Variants in CPXM2 observed in about 807,000 individuals in gnomAD.
CPXM2 encodes carboxypeptidase X, M14 family member 2, also known as inactive carboxypeptidase-like protein X2.
A neutral mutation model predicts 86.1 loss-of-function variants in CPXM2; 66 were observed. That is an observed-to-expected ratio of 0.77 (90% confidence interval 0.63 to 0.94). CPXM2 has a LOEUF of 0.94. Among genes scored for constraint, CPXM2 ranks in the 40% least tolerant of loss-of-function variants. The probability of loss-of-function intolerance (pLI) is 0.00; values close to 1 mark genes in which losing one functional copy is unlikely to be tolerated. For missense variants in CPXM2, 948 were observed against 1,026.3 expected (o/e 0.92, Z 1.04); for synonymous variants, 388 against 400.2 (o/e 0.97, Z 0.36).
chr10:123,849,181 GTTTTGTGTT>G (rs1210367019), intron 3 of CPXM2, among the ~76,000 whole-genome samples: 1 of 152,018 alleles, frequency 6.6e-6, no homozygotes, highest in Admixed American at 6.6e-5. Flanking sequence ...CTATTGATCG[GTTTTGTGTT>G]TTTTGTGTTT....
chr10:123,865,994 C>T lies in CPXM2; in HGVS notation c.404-3271G>A, dbSNP rs1163562684. On this transcript the variant is annotated intron_variant, in intron 2 of 13. Coordinates refer to ENST00000241305, the MANE Select transcript of CPXM2 (RefSeq NM_198148.3). This position sits in a 1 kb window ranked among gnomAD's most constrained non-coding sequence, Gnocchi z 4.7. ...AATTTCTCCCTCTCAGCCACTCCTC[C>T]ACCCCCACACCACACACAGCCCTGG... Among the ~76,000 whole-genome samples the T allele has an allele frequency of 3.9e-5, 6 of 152,116 alleles. No individual in the cohort carries two copies. Among genetic ancestry groups the T allele is most frequent in the Admixed American group, 3.9e-4 (6 of 15,270 alleles).
At chr10:123,791,021 A>G (rs1348530543) in intron 6 of CPXM2, among the ~76,000 whole-genome samples, 4 of 152,152 alleles carry the variant, frequency 2.6e-5, no homozygotes, top group Non-Finnish European at 5.9e-5. Context: ...TTAAAGCCAC[A>G]TCATCAGGGG....
At chr10:123,882,107 A>G (rs1450127765) in intron 1 of CPXM2, among the ~76,000 whole-genome samples, 1 of 152,264 alleles carries the variant, frequency 6.6e-6, no homozygotes, top group Non-Finnish European at 1.5e-5. Context: ...GACACTTATT[A>G]AGAAAACCTT....
Position 123,862,685 on chromosome 10 carries a change from CT to C in CPXM2, c.441del (p.Asp148ThrfsTer9), listed in dbSNP as rs756841437. The stretch of plus-strand genomic sequence containing the variant: ...ACCGTGGAGGCATGGAGCTGGAAGT[CT>C]GTGATTTTTAAGGTTTCCAGACCAA... ...PPLGLETLKI[T>X]DFQLHASTVK... is the part of the protein sequence containing the mutation. On this transcript the variant is annotated frameshift_variant, in exon 3 of 14. Transcript: ENST00000241305. LOFTEE classifies it high-confidence loss of function. 7 of 1,613,676 alleles carry C rather than the reference CT, an allele frequency of 4.3e-6. No individual in the cohort carries two copies. The South Asian group carries it at 6.6e-5, about 15-fold the overall frequency.
chr10:123,901,171 A>G (rs1173492800), intron 2 of CPXM2, among the ~76,000 whole-genome samples: 1 of 152,226 alleles, frequency 6.6e-6, no homozygotes, highest in African/African-American at 2.4e-5. Flanking sequence ...ACCTGAGATC[A>G]TAATACTGAA....
rs776975412 is a variant in CPXM2 at position 123,842,484 on chromosome 10, C to G, written c.518G>C (p.Gly173Ala). The change falls in exon 4 of 14, where the codon GGC becomes GCC. Residue 173 changes from glycine (G) to alanine (A), a missense_variant. Transcript: ENST00000241305. ...AHRGRLNIQA[G>A]INENDFYDGA... is the part of the protein sequence containing the mutation. ...GTCATAAAAATCATTTTCATTAATG[C>G]CCGCCTAGAAAGAAAGAAAGCGGTG... is the stretch of plus-strand genomic sequence containing the variant. 45 of 1,613,880 alleles carry G rather than the reference C, an allele frequency of 2.8e-5. No homozygotes were observed. Among genetic ancestry groups the G allele is most frequent in the Non-Finnish European group, 3.5e-5 (41 of 1,179,918 alleles).
chr10:123,934,672 G>A (rs1004596568), intron 2 of CPXM2, among the ~76,000 whole-genome samples: 3 of 152,062 alleles, frequency 2.0e-5, no homozygotes, highest in Non-Finnish European at 2.9e-5. Context: ...TGCGAACCAC[G>A]CACCAGGAAC....
chr10:123,746,898 T>C lies in CPXM2; in HGVS notation c.2137A>G (p.Arg713Gly), dbSNP rs768326532. The C allele has an allele frequency of 6.2e-7, 1 of 1,614,036 alleles. No homozygotes were observed. Among genetic ancestry groups the C allele is most frequent in the Admixed American group, 1.7e-5 (1 of 60,002 alleles). The stretch of plus-strand genomic sequence containing the variant: ...GTTTTGCTAAGTGTGAAGTCACACC[T>C]TGTGGCCCCCATGTCATAGCCAACC... ...CMVGYDMGAT[R>G]CDFTLSKTNM... The change falls in exon 14 of 14, where the codon AGG becomes GGG. Residue 713 changes from arginine to glycine, a missense_variant. Physicochemically the swap from Arg to Gly is moderately radical, Grantham distance 125. Coordinates refer to ENST00000241305, the MANE Select transcript of CPXM2 (RefSeq NM_198148.3).
At chr10:123,810,581 T>C (rs992389530) in intron 4 of CPXM2, among the ~76,000 whole-genome samples, 2 of 152,190 alleles carry the variant, frequency 1.3e-5, no homozygotes, top group East Asian at 1.9e-4. Flanking sequence ...TAATTACATT[T>C]CTATACACCA....
chr10:123,816,363 C>A (rs372211604), intron 4 of CPXM2, among the ~76,000 whole-genome samples: 30 of 152,186 alleles, frequency 2.0e-4, no homozygotes, highest in African/African-American at 5.3e-4. Context: ...GTGAGAAAGG[C>A]CAAATGGAAG....
intron 3 of CPXM2, among the ~76,000 whole-genome samples, chr10:123,847,382 C>T (rs568978904): frequency 3.9e-5 from 6 of 152,002 alleles, no homozygotes; most frequent in Admixed American, 6.6e-5. Flanking sequence ...GAACATTTGC[C>T]GAGTGTGGTG....
intron 3 of CPXM2, 43 bp from the exon 4 acceptor site, chr10:123,842,531 T>C: frequency 6.3e-7 from 1 of 1,597,050 alleles, no homozygotes; most frequent in Non-Finnish European, 8.6e-7. Context: ...GACTCTTAAT[T>C]GAAGAAAATT....
chr10:123,887,511 C>T (rs1335023273), intron 1 of CPXM2, among the ~76,000 whole-genome samples: 1 of 152,142 alleles, frequency 6.6e-6, no homozygotes, highest in African/African-American at 2.4e-5. Context: ...CTGTCAACCT[C>T]CTCATTTTGA....
intron 10 of CPXM2, among the ~76,000 whole-genome samples, chr10:123,765,105 C>G (rs1479168933): frequency 6.6e-6 from 1 of 152,064 alleles, no homozygotes; most frequent in Non-Finnish European, 1.5e-5. Flanking sequence ...CTGTCTGACA[C>G]CTATTCTCTG....
At chr10:123,800,028 GTTTT>G (rs530876054) in intron 4 of CPXM2, among the ~76,000 whole-genome samples, 15 of 109,596 alleles carry the variant, frequency 1.4e-4, no homozygotes, top group Non-Finnish European at 1.5e-4. Flanking sequence ...TAGTTTTTTG[GTTTT>G]TTTTTTTTTT....
Position 123,757,255 on chromosome 10 carries a change from C to T in CPXM2, c.1875G>A (p.Glu625=), listed in dbSNP as rs1394618556. Reference sequence around the variant, plus strand: ...TCAGAGATTCCCGGTTATTCTCCCACTCCTCGGGCAGCTGGCTCTCATGTG... The same window carrying T: ...TCAGAGATTCCCGGTTATTCTCCCATTCCTCGGGCAGCTGGCTCTCATGTG... ...KYPHESQLPE[E]WENNRESLIV... is the part of the protein sequence containing the mutation. The change falls in exon 12 of 14, where the codon GAG becomes GAA. Residue 625 remains glutamate, a synonymous_variant. Transcript: ENST00000241305. 5 of 1,614,128 alleles carry T rather than the reference C, an allele frequency of 3.1e-6. No individual in the cohort carries two copies. Among genetic ancestry groups the T allele is most frequent in the Non-Finnish European group, 4.2e-6 (5 of 1,179,962 alleles).
intron 4 of CPXM2, among the ~76,000 whole-genome samples, chr10:123,809,008 C>T (rs2134088427): frequency 6.6e-6 from 1 of 152,006 alleles, no homozygotes; most frequent in East Asian, 1.9e-4. Context: ...TTTTAAATTG[C>T]ACCATTTTGA....
intron 2 of CPXM2, among the ~76,000 whole-genome samples, chr10:123,929,861 ACAAGAAGCCTGGGGT>A (rs986068598): frequency 7.9e-5 from 12 of 152,290 alleles, no homozygotes; most frequent in African/African-American, 2.9e-4. Flanking sequence ...TCAGAAAGGG[ACAAGAAGCCTGGGGT>A]CACAGCTCCA....
chr10:123,823,502 A>G (rs1265814487), intron 4 of CPXM2, among the ~76,000 whole-genome samples: 1 of 152,226 alleles, frequency 6.6e-6, no homozygotes, highest in Non-Finnish European at 1.5e-5. Flanking sequence ...AAGGTTGCAC[A>G]GGGAAGGAAA....
Sources: gnomAD v4.1 joint callset for allele counts (sites outside exome capture counted in the v4.1 genomes callset) on GRCh38, gnomAD v4.1.1 for gene constraint, Gnocchi (gnomAD v3.1) non-coding constraint, MANE v1.5 for transcripts, NCBI Gene and HGNC (gene_info 2026-07-23, HGNC 2026-07-21) for gene names.